Variants in OR2AJ1 observed in about 807,000 individuals in gnomAD.
OR2AJ1 encodes the protein olfactory receptor 2AJ1.
For synonymous variants in OR2AJ1, 105 were observed against 60.3 expected, an observed-to-expected ratio of 1.74 and a Z score of -3.44; for missense variants, 280 against 163.2, an observed-to-expected ratio of 1.72 and a Z score of -3.90.
Position 247,933,827 on chromosome 1 carries a change from C to G in OR2AJ1, c.59C>G (p.Ser20Cys). The change falls in exon 2 of 2, where the codon TCT (serine) becomes TGT (cysteine). Residue 20 changes from serine (S) to cysteine (C), a missense_variant. Transcript: ENST00000318244. ...SDFILLGLFS[S>C]SPTSVVFFLV... The stretch of plus-strand genomic sequence containing the variant: ...TTCATACTTTTGGGATTGTTCTCTT[C>G]TTCCCCAACAAGTGTGGTCTTCTTC... 1 of 648,710 alleles carries G rather than the reference C, an allele frequency of 1.5e-6. No individual in the cohort carries two copies. Among genetic ancestry groups the G allele is most frequent in the African/African-American group, 1.8e-5 (1 of 55,120 alleles). The allele number at this position is 648,710 out of a possible 1,614,324, so 40.2% of individuals were successfully genotyped here.
In OR2AJ1 at chr1:247,934,016, C is replaced by T. The variant is rs1033297700; in HGVS notation, c.248C>T (p.Thr83Ile). The part of the protein sequence containing the change: ...HVSNIVPKMV[T>I]NFLSGSRTIS... The stretch of plus-strand genomic sequence containing the variant: ...TCCAACATCGTTCCCAAAATGGTCA[C>T]TAACTTTCTGTCAGGCAGCAGAACT... The change falls in exon 2 of 2, where the codon ACT becomes ATT. Residue 83 changes from threonine (T) to isoleucine (I), a missense_variant. Coordinates refer to ENST00000318244, the MANE Select transcript of OR2AJ1 (RefSeq NM_001355235.2). 17 of 717,462 alleles carry T rather than the reference C, an allele frequency of 2.4e-5. No individual in the cohort carries two copies. Among genetic ancestry groups the T allele is most frequent in the Non-Finnish European group, 3.9e-5 (15 of 385,118 alleles). 44.4% of individuals were successfully genotyped at this position (717,462 alleles called of 1,614,324 possible). A position where few individuals can be genotyped will look rare whatever the true frequency, so the allele number is the denominator to read the frequency against.
chr1:247,927,086 T>G (rs1157606356), intron 1 of OR2AJ1, among the ~76,000 whole-genome samples: 1 of 152,220 alleles, frequency 6.6e-6, no homozygotes, highest in Non-Finnish European at 1.5e-5. Context: ...CAAAGCTTAT[T>G]TTCTCATCTC....
rs1660198470 is a variant in OR2AJ1, at chr1:247,934,720, A to G, written c.952A>G (p.Ile318Val). 1.4e-6 allele frequency: 1 copy of G among 712,806 alleles called. No individual in the cohort carries two copies. The highest frequency in any genetic ancestry group is 1.7e-5 in the African/African-American group (1 of 57,202). 44.2% of individuals were successfully genotyped at this position (712,806 alleles called of 1,614,324 possible). ...TCTGCACAAAAAAATGAATAGGAAAATTCCTGAATGTGTGTTCTGTCTATT... is the reference window on the plus strand; with the variant it reads ...TCTGCACAAAAAAATGAATAGGAAAGTTCCTGAATGTGTGTTCTGTCTATT... The part of the protein sequence containing the change: ...NFLHKKMNRK[I>V]PECVFCLFLC The change falls in exon 2 of 2, where the codon ATT becomes GTT. Residue 318 changes from isoleucine to valine, a missense_variant. Ile to Val is a conservative substitution (Grantham distance 29, BLOSUM62 3). Coordinates refer to ENST00000318244, the MANE Select transcript of OR2AJ1 (RefSeq NM_001355235.2).
chr1:247,927,519 T>TGTGTGTGTGTGTGTGTG (rs74163828), intron 1 of OR2AJ1, among the ~76,000 whole-genome samples: 41 of 151,708 alleles, frequency 2.7e-4, no homozygotes, highest in South Asian at 6.3e-4. Flanking sequence ...TGTGTGTGTG[T>TGTGTGTGTGTGTGTGTG]TGGGAACATT....
Position 247,934,281 on chromosome 1 carries a change from T to A in OR2AJ1, c.513T>A (p.Ser171=). ...AYALQFPFCG[S]RAIDHFFCEV... The stretch of plus-strand genomic sequence containing the variant: ...CACTGCAGTTTCCCTTCTGTGGCTC[T>A]AGGGCAATTGATCACTTCTTCTGTG... Residue 171 remains serine, a synonymous_variant, in exon 2 of 2, where the codon TCT becomes TCA. Coordinates refer to ENST00000318244, the MANE Select transcript of OR2AJ1 (RefSeq NM_001355235.2). 1 of 731,688 alleles carries A rather than the reference T, an allele frequency of 1.4e-6. No individual in the cohort carries two copies. The highest frequency in any genetic ancestry group is 2.5e-6 in the Non-Finnish European group (1 of 392,894). 45.3% of individuals were successfully genotyped at this position (731,688 alleles called of 1,614,324 possible). A position where few individuals can be genotyped will look rare whatever the true frequency, so the allele number is the denominator to read the frequency against.
chr1:247,931,651 A>G (rs1169299168), intron 1 of OR2AJ1, among the ~76,000 whole-genome samples: 1 of 152,228 alleles, frequency 6.6e-6, no homozygotes, highest in Non-Finnish European at 1.5e-5. Context: ...AAAATGTAAA[A>G]GCCAGTATGA....
intron 1 of OR2AJ1, among the ~76,000 whole-genome samples, chr1:247,930,781 A>T (rs1432189954): frequency 6.6e-6 from 1 of 152,134 alleles, no homozygotes; most frequent in South Asian, 2.1e-4. Context: ...ACATTTAATC[A>T]CATACAGTTA....
Position 247,934,701 on chromosome 1 carries a change from C to CA in OR2AJ1, c.940dup (p.Met314AsnfsTer3), listed in dbSNP as rs772358764. The CA allele has an allele frequency of 6.7e-5, 48 of 712,878 alleles. No homozygotes were observed. The highest frequency in any genetic ancestry group is 6.2e-5 in the Non-Finnish European group (24 of 384,356). 44.2% of individuals were successfully genotyped at this position (712,878 alleles called of 1,614,324 possible). ...ATATGCTCAAAAGTAACTTTCTGCA[C>CA]AAAAAAATGAATAGGAAAATTCCTG... On this transcript the variant is annotated frameshift_variant, in exon 2 of 2. Transcript: ENST00000318244. LOFTEE classifies it low-confidence loss of function (END_TRUNC).
Position 247,935,016 on chromosome 1 carries a change from A to C in OR2AJ1, c.*261A>C. 1 of 314,900 alleles carries C rather than the reference A, an allele frequency of 3.2e-6. No homozygotes were observed. Among genetic ancestry groups the C allele is most frequent in the Non-Finnish European group, 5.7e-6 (1 of 174,106 alleles). The allele number at this position is 314,900 out of a possible 1,614,324, so 19.5% of individuals were successfully genotyped here. A position where few individuals can be genotyped will look rare whatever the true frequency, so the allele number is the denominator to read the frequency against. ...TGTAAGACTTATGAGAATATCCCTA[A>C]AAATACAGTCACACATCCATTGTAT... On this transcript the variant is annotated 3_prime_UTR_variant, in exon 2 of 2. Coordinates refer to ENST00000318244, the MANE Select transcript of OR2AJ1 (RefSeq NM_001355235.2).
chr1:247,929,333 A>G (rs1435096216), intron 1 of OR2AJ1, among the ~76,000 whole-genome samples: 1 of 152,014 alleles, frequency 6.6e-6, no homozygotes, highest in Admixed American at 6.6e-5. Context: ...CACGCATTAT[A>G]TTGTACTTTG....
chr1:247,934,205 G>C lies in OR2AJ1; in HGVS notation c.437G>C (p.Gly146Ala), dbSNP rs748874659. 1.4e-6 allele frequency: 1 copy of C among 718,380 alleles called. No homozygotes were observed. The highest frequency in any genetic ancestry group is 1.7e-5 in the African/African-American group (1 of 57,280). 44.5% of individuals were successfully genotyped at this position (718,380 alleles called of 1,614,324 possible). A position where few individuals can be genotyped will look rare whatever the true frequency, so the allele number is the denominator to read the frequency against. Residue 146 changes from glycine (G) to alanine (A), a missense_variant, in exon 2 of 2, where the codon GGA becomes GCA. By Grantham distance (60) the Gly-to-Ala change is moderately conservative. Transcript: ENST00000318244. ...MKEYASALMA[G>A]GSWLIGVFNS... is the part of the protein sequence containing the mutation. ...GAGTATGCCAGCGCTCTCATGGCTGGAGGCTCCTGGCTCATTGGGGTTTTC... is the reference window on the plus strand; with the variant it reads ...GAGTATGCCAGCGCTCTCATGGCTGCAGGCTCCTGGCTCATTGGGGTTTTC...
chr1:247,932,214 G>C (rs1252828282), intron 1 of OR2AJ1, among the ~76,000 whole-genome samples: 2 of 152,200 alleles, frequency 1.3e-5, no homozygotes, highest in East Asian at 3.9e-4. Context: ...AGTGGTGCCT[G>C]TATTCCAAGC....
At chr1:247,926,461 ATTGT>A (rs1660091917) in intron 1 of OR2AJ1, among the ~76,000 whole-genome samples, 1 of 152,162 alleles carries the variant, frequency 6.6e-6, no homozygotes, top group Non-Finnish European at 1.5e-5. Flanking sequence ...CTCTGAAAAG[ATTGT>A]TTGTCCACTG....
chr1:247,932,365 C>T (rs1328206451), intron 1 of OR2AJ1, among the ~76,000 whole-genome samples: 2 of 152,006 alleles, frequency 1.3e-5, no homozygotes, highest in Non-Finnish European at 2.9e-5. Context: ...AAAACAACAA[C>T]ATAAAAAACA....
Position 247,933,749 on chromosome 1 carries a change from T to TA in OR2AJ1, c.-14dup. 1 of 569,526 alleles carries TA rather than the reference T, an allele frequency of 1.8e-6. No homozygotes were observed. The highest frequency in any genetic ancestry group is 3.2e-6 in the Non-Finnish European group (1 of 313,664). The allele number at this position is 569,526 out of a possible 1,614,324, so 35.3% of individuals were successfully genotyped here. ...ATTAATTCATTATTTCTTTTTAGGTTAAAAAATAGAGAATTCATGATGGGC... is the reference window on the plus strand; with the variant it reads ...ATTAATTCATTATTTCTTTTTAGGTTAAAAAAATAGAGAATTCATGATGGGC... On this transcript the variant is annotated 5_prime_UTR_variant, in exon 2 of 2. The change abolishes the stop of an existing upstream ORF in the 5' untranslated region. Coordinates refer to ENST00000318244, the MANE Select transcript of OR2AJ1 (RefSeq NM_001355235.2).
chr1:247,926,175 ATTATCT>A (rs1320874954), intron 1 of OR2AJ1, among the ~76,000 whole-genome samples: 4 of 152,196 alleles, frequency 2.6e-5, no homozygotes, highest in South Asian at 2.1e-4. Flanking sequence ...AAATATAAAC[ATTATCT>A]TTAGCATAGA....
chr1:247,931,640 A>C (rs1660153730), intron 1 of OR2AJ1, among the ~76,000 whole-genome samples: 1 of 152,216 alleles, frequency 6.6e-6, no homozygotes, highest in Admixed American at 6.5e-5. Flanking sequence ...ATGAACTCTA[A>C]AAAATGTAAA....
Position 247,934,586 on chromosome 1 carries a change from T to C in OR2AJ1, c.818T>C (p.Phe273Ser), listed in dbSNP as rs770289260. Residue 273 changes from phenylalanine (F) to serine (S), a missense_variant, in exon 2 of 2, where the codon TTC becomes TCC. Transcript: ENST00000318244. Reference sequence around the variant, plus strand: ...TACCACACTCCAGGCCAGGATAAGTTCCTGGCAATATTCTATACGATCCTC... The same window carrying C: ...TACCACACTCCAGGCCAGGATAAGTCCCTGGCAATATTCTATACGATCCTC... Reference protein sequence around the residue: ...KSYHTPGQDKFLAIFYTILTP... With the variant: ...KSYHTPGQDKSLAIFYTILTP... 6 of 717,894 alleles carry C rather than the reference T, an allele frequency of 8.4e-6. No individual in the cohort carries two copies. The South Asian group carries it at 8.9e-5, about 11-fold the overall frequency. 44.5% of individuals were successfully genotyped at this position (717,894 alleles called of 1,614,324 possible).
At chr1:247,928,536 G>GTGTGTTCTAT (rs1660116534) in intron 1 of OR2AJ1, among the ~76,000 whole-genome samples, 3 of 152,172 alleles carry the variant, frequency 2.0e-5, no homozygotes, top group African/African-American at 7.2e-5. Flanking sequence ...TTTCTATCTT[G>GTGTGTTCTAT]TTGCCTGTGC....
Sources: gnomAD v4.1 joint callset for allele counts (sites outside exome capture counted in the v4.1 genomes callset) on GRCh38, gnomAD v4.1.1 for gene constraint, MANE v1.5 for transcripts, NCBI Gene and HGNC (gene_info 2026-07-23, HGNC 2026-07-21) for gene names.